The following PPP6R2 variants were observed in gnomAD, a reference collection of about 807,000 sequenced individuals.
PPP6R2 encodes the protein protein phosphatase 6 regulatory subunit 2.
Under a neutral mutation model 100.2 loss-of-function variants are expected in PPP6R2, and 62 were observed. The observed-to-expected ratio is 0.62, with a 90% confidence interval of 0.50 to 0.76. The LOEUF (loss-of-function observed/expected upper bound fraction) is 0.76, where lower values mean the gene tolerates loss of function less well. Among genes scored for constraint, PPP6R2 ranks in the 30% least tolerant of loss-of-function variants. The pLI, the probability that PPP6R2 is intolerant of heterozygous loss-of-function variation, is 0.00. For missense variants in PPP6R2, 1,142 were observed against 1,276.3 expected, an observed-to-expected ratio of 0.89 and a Z score of 1.60; for synonymous variants, 525 against 514.7, an observed-to-expected ratio of 1.02 and a Z score of -0.27.
chr22:50,351,698 A>G (rs907520291), intron 1 of PPP6R2, among the ~76,000 whole-genome samples: 10 of 152,190 alleles, frequency 6.6e-5, no homozygotes, highest in Non-Finnish European at 1.3e-4. Flanking sequence ...CAGTGGTGCC[A>G]TCTCAGCTCA....
intron 21 of PPP6R2, among the ~76,000 whole-genome samples, chr22:50,440,579 C>T (rs1010019564): frequency 6.6e-6 from 1 of 152,226 alleles, no homozygotes; most frequent in African/African-American, 2.4e-5. Flanking sequence ...CCTCTGCGTC[C>T]TCCTGTGAGA....
chr22:50,394,270 T>C (rs2056260225), intron 3 of PPP6R2, 135 bp downstream of exon 3: 1 of 1,353,464 alleles, frequency 7.4e-7, no homozygotes, highest in African/African-American at 1.5e-5. Flanking sequence ...ATGTGAGAAG[T>C]GAGGAGGGCA....
chr22:50,432,261 C>G lies in PPP6R2; in HGVS notation c.1336-4C>G. On this transcript the variant is annotated splice_region_variant and splice_polypyrimidine_tract_variant and intron_variant, in intron 11 of 23. Coordinates refer to ENST00000612753, the MANE Select transcript of PPP6R2 (RefSeq NM_001242898.2). ...TCACGCTGTCCCCCTGCCCCGCCCC[C>G]CAGCTGTTCCAGAAGTGCTGCCTGG... The G allele has an allele frequency of 6.5e-7, 1 of 1,549,788 alleles. No homozygotes were observed. The highest frequency in any genetic ancestry group is 8.7e-7 in the Non-Finnish European group (1 of 1,146,928).
chr22:50,333,756 GAGAT>G, the PPP6R2 span, among the ~76,000 whole-genome samples: 5 of 152,194 alleles, frequency 3.3e-5, no homozygotes, highest in Admixed American at 3.3e-4. Context: ...GCAAGACAAA[GAGAT>G]AGAAGAAAAG....
At chr22:50,412,512 GA>G (rs764870646) in intron 4 of PPP6R2, among the ~76,000 whole-genome samples, 1 of 151,214 alleles carries the variant, frequency 6.6e-6, no homozygotes, top group Non-Finnish European at 1.5e-5. Context: ...ATGTTTGGAA[GA>G]ATTTATTAGG....
intron 6 of PPP6R2, 123 bp downstream of exon 6, chr22:50,416,280 A>G (rs1345300888): frequency 8.7e-6 from 7 of 801,422 alleles, no homozygotes; most frequent in Middle Eastern, 3.8e-4. Context: ...AGGATCGGTT[A>G]GGTACTTTTC....
At chr22:50,427,410 A>G (rs1360926054) in intron 10 of PPP6R2, among the ~76,000 whole-genome samples, 1 of 152,100 alleles carries the variant, frequency 6.6e-6, no homozygotes, top group Non-Finnish European at 1.5e-5. Flanking sequence ...GAATTTGGGG[A>G]TGGGTTTTTC....
At chr22:50,360,997 C>A (rs1274334507) in intron 1 of PPP6R2, among the ~76,000 whole-genome samples, 1 of 152,186 alleles carries the variant, frequency 6.6e-6, no homozygotes, top group African/African-American at 2.4e-5. Context: ...AGGAGCTCTT[C>A]AAGAATTTGA....
In PPP6R2 at chr22:50,444,536, GGGGGT is replaced by G. The variant is rs201609391; in HGVS notation, c.*294_*298del. On this transcript the variant is annotated 3_prime_UTR_variant, in exon 24 of 24. Coordinates refer to ENST00000612753, the MANE Select transcript of PPP6R2 (RefSeq NM_001242898.2). ...GGCCTGCAGGAGCCGGGGTGGGGGTGGGGGTGGGGGGGGCAGGACCCTGAGATGCC... is the reference window on the plus strand; with the variant it reads ...GGCCTGCAGGAGCCGGGGTGGGGGTGGGGGGGGGCAGGACCCTGAGATGCC... 10,467 of 381,480 alleles carry G rather than the reference GGGGGT, an allele frequency of 0.027. 384 individuals are homozygous for G. The highest frequency in any genetic ancestry group is 0.067 in the African/African-American group (2,971 of 44,444). The allele number at this position is 381,480 out of a possible 1,614,324, so 23.6% of individuals were successfully genotyped here.
chr22:50,350,123 GAAAA>G (rs983380327), intron 1 of PPP6R2, among the ~76,000 whole-genome samples: 2 of 149,840 alleles, frequency 1.3e-5, no homozygotes, highest in Non-Finnish European at 3.0e-5. Flanking sequence ...GTCTCAAAAA[GAAAA>G]AAAAAGAAAC....
chr22:50,419,503 C>T (rs747276555), intron 8 of PPP6R2, 41 bp downstream of exon 8: 28 of 1,427,094 alleles, frequency 2.0e-5, no homozygotes, highest in African/African-American at 2.8e-5. Flanking sequence ...CTGAACTTGA[C>T]GCCTCAGTGA....
chr22:50,404,608 T>C (rs566011137), intron 3 of PPP6R2, among the ~76,000 whole-genome samples: 24 of 150,030 alleles, frequency 1.6e-4, no homozygotes, highest in African/African-American at 5.6e-4. Flanking sequence ...TGTTTTTTTT[T>C]TTTTTTTTTG....
chr22:50,341,119 C>T (rs980600604), upstream of PPP6R2, among the ~76,000 whole-genome samples: 7 of 151,808 alleles, frequency 4.6e-5, no homozygotes, highest in East Asian at 1.2e-3. Context: ...ACCATGTTGG[C>T]CAGGCTGGTC....
Position 50,439,263 on chromosome 22 carries a change from G to A in PPP6R2, c.2129-438G>A, listed in dbSNP as rs76453420. On this transcript the variant is annotated intron_variant, in intron 19 of 23. Transcript: ENST00000612753. ...TCTGTTAGGAGGGGCTGAGCTCTTC[G>A]CTGACAGAGCAAGGGTGACACCCTG... is the stretch of plus-strand genomic sequence containing the variant. 6.0e-3 allele frequency among the ~76,000 whole-genome samples: 910 copies of A among 152,244 alleles called. 3 individuals are homozygous for A. The highest frequency in any genetic ancestry group is 0.026 in the South Asian group (126 of 4,828).
At chr22:50,356,053 C>T (rs1414062099) in intron 1 of PPP6R2, among the ~76,000 whole-genome samples, 1 of 151,302 alleles carries the variant, frequency 6.6e-6, no homozygotes, top group South Asian at 2.1e-4. Context: ...AGCTCCGCCT[C>T]CCAGGTTCAT....
intron 6 of PPP6R2, among the ~76,000 whole-genome samples, chr22:50,417,359 T>C (rs565076040): frequency 2.6e-5 from 4 of 152,232 alleles, no homozygotes; most frequent in African/African-American, 7.2e-5. Flanking sequence ...CTAAAAGAGA[T>C]GGGGGCTATA....
intron 10 of PPP6R2, among the ~76,000 whole-genome samples, chr22:50,426,874 G>T (rs1164374401): frequency 6.8e-6 from 1 of 147,112 alleles, no homozygotes; most frequent in Admixed American, 6.9e-5. Context: ...CCCCATGAAT[G>T]GTCTCGGCCT....
intron 1 of PPP6R2, among the ~76,000 whole-genome samples, chr22:50,352,226 C>A (rs2045459949): frequency 6.6e-6 from 1 of 152,168 alleles, no homozygotes; most frequent in Non-Finnish European, 1.5e-5. Context: ...CAGGCAAGAG[C>A]CATCGCGCCC....
chr22:50,355,543 T>TA (rs2046332741), intron 1 of PPP6R2, among the ~76,000 whole-genome samples: 2 of 96,322 alleles, frequency 2.1e-5, no homozygotes, highest in Admixed American at 1.1e-4. Flanking sequence ...TTTTTTGAGA[T>TA]AGAGTCTCGC....
Sources: gnomAD v4.1 joint callset for allele counts (sites outside exome capture counted in the v4.1 genomes callset) on GRCh38, gnomAD v4.1.1 for gene constraint, MANE v1.5 for transcripts, NCBI Gene and HGNC (gene_info 2026-07-23, HGNC 2026-07-21) for gene names.